Variants in DEUP1 observed in about 807,000 individuals in gnomAD.
The protein encoded by DEUP1 is deuterosome assembly protein 1.
Under a neutral mutation model 87.4 loss-of-function variants are expected in DEUP1, and 82 were observed. The ratio of observed to expected loss-of-function variants is 0.94; its 90% confidence interval spans 0.78 to 1.13. DEUP1 has a LOEUF of 1.13. DEUP1 is among the 50% of genes most tolerant of loss of function. The probability of loss-of-function intolerance (pLI) is 0.00; values close to 1 mark genes in which losing one functional copy is unlikely to be tolerated. For synonymous variants in DEUP1, 214 were observed against 222.7 expected (o/e 0.96, Z 0.35); for missense variants, 663 against 681.5 (o/e 0.97, Z 0.30).
At chr11:93,415,961 T>C (rs1947607369) in intron 13 of DEUP1, among the ~76,000 whole-genome samples, 1 of 152,134 alleles carries the variant, frequency 6.6e-6, no homozygotes, top group South Asian at 2.1e-4. Context: ...AAAAATTCTT[T>C]TATGAGTCTT....
At chr11:93,405,597 C>T (rs113667319) in intron 11 of DEUP1, among the ~76,000 whole-genome samples, 16 of 151,862 alleles carry the variant, frequency 1.1e-4, no homozygotes, top group African/African-American at 3.6e-4. Context: ...AGGTAGTAAG[C>T]GGAAAATGTA....
At chr11:93,415,969 C>A (rs551602455) in intron 13 of DEUP1, among the ~76,000 whole-genome samples, 1 of 152,158 alleles carries the variant, frequency 6.6e-6, no homozygotes, top group African/African-American at 2.4e-5. Flanking sequence ...TTTTATGAGT[C>A]TTTTGGTGCA....
rs577735179 is a variant in DEUP1 at position 93,413,417 on chromosome 11, T to C, written c.1524-1583T>C. Among the ~76,000 whole-genome samples, 11 of 152,254 alleles carry C rather than the reference T, an allele frequency of 7.2e-5. No homozygotes were observed. The South Asian group carries it at 2.1e-3, about 29-fold the overall frequency. ...CCATCACGCCAGGCTAATTTTTTTG[T>C]ATTTTTAGTAGCGACGGGGTTTCAC... On this transcript the variant is annotated intron_variant, in intron 12 of 13. Transcript: ENST00000298050.
At chr11:93,395,767 T>G (rs1233729106) in intron 10 of DEUP1, among the ~76,000 whole-genome samples, 1 of 152,118 alleles carries the variant, frequency 6.6e-6, no homozygotes, top group Non-Finnish European at 1.5e-5. Flanking sequence ...ATAAAATAAA[T>G]TGAGAGACAA....
intron 13 of DEUP1, 78 bp from the exon 14 acceptor site, chr11:93,437,465 G>T: frequency 4.6e-6 from 5 of 1,083,086 alleles, no homozygotes; most frequent in Non-Finnish European, 5.3e-6. Context: ...GTATGTCAGG[G>T]ATGAAGCATG....
intron 2 of DEUP1, among the ~76,000 whole-genome samples, chr11:93,353,385 G>T (rs1417880530): frequency 6.6e-6 from 1 of 152,140 alleles, no homozygotes; most frequent in Non-Finnish European, 1.5e-5. Flanking sequence ...GCTTTCACAG[G>T]CTGGCATTGA....
chr11:93,360,254 A>G (rs1945102914), intron 4 of DEUP1, among the ~76,000 whole-genome samples: 1 of 152,218 alleles, frequency 6.6e-6, no homozygotes, highest in Admixed American at 6.5e-5. Flanking sequence ...CCAAGTGAAG[A>G]CTTGGACATC....
chr11:93,341,847 G>A (rs1555038400), intron 2 of DEUP1, among the ~76,000 whole-genome samples: 1 of 152,136 alleles, frequency 6.6e-6, no homozygotes, highest in Non-Finnish European at 1.5e-5. Context: ...GTATCAATGG[G>A]CCAAAGTCAA....
chr11:93,405,772 T>C (rs1312548463), intron 11 of DEUP1, among the ~76,000 whole-genome samples: 1 of 151,930 alleles, frequency 6.6e-6, no homozygotes. Flanking sequence ...CTTAGGATGA[T>C]TTTATGGGAT....
At chr11:93,335,146 G>T (rs1278910907) in intron 2 of DEUP1, among the ~76,000 whole-genome samples, 1 of 152,124 alleles carries the variant, frequency 6.6e-6, no homozygotes, top group Non-Finnish European at 1.5e-5. Context: ...TTTCAAATTT[G>T]ATATCTTCTT....
chr11:93,346,615 T>C (rs895957891), intron 2 of DEUP1, among the ~76,000 whole-genome samples: 2 of 152,178 alleles, frequency 1.3e-5, no homozygotes, highest in African/African-American at 4.8e-5. Flanking sequence ...TAACATTGAA[T>C]CTATAAATTG....
At chr11:93,416,899 C>T (rs1164853767) in intron 13 of DEUP1, among the ~76,000 whole-genome samples, 1 of 152,154 alleles carries the variant, frequency 6.6e-6, no homozygotes, top group Non-Finnish European at 1.5e-5. Context: ...AAATGTAATC[C>T]AGCATACAAA....
chr11:93,360,574 A>G (rs1485240920), intron 4 of DEUP1, among the ~76,000 whole-genome samples: 1 of 152,220 alleles, frequency 6.6e-6, no homozygotes, highest in Non-Finnish European at 1.5e-5. Context: ...ATGAAAAATT[A>G]TAAAGCTTTA....
At chr11:93,357,269 G>A in intron 4 of DEUP1, 1 of 319,744 alleles carries the variant, frequency 3.1e-6, no homozygotes, top group Non-Finnish European at 5.6e-6. Context: ...TAGACAAATG[G>A]CTTTCTATTT....
In DEUP1 at chr11:93,372,842, T is replaced by A. The variant is rs966101204; in HGVS notation, c.789+1562T>A. Among the ~76,000 whole-genome samples, 4 of 152,286 alleles carry A rather than the reference T, an allele frequency of 2.6e-5. No individual in the cohort carries two copies. In the East Asian group the frequency reaches 7.7e-4, roughly 29 times the overall value. On this transcript the variant is annotated intron_variant, in intron 7 of 13. Coordinates refer to ENST00000298050, the MANE Select transcript of DEUP1 (RefSeq NM_181645.4). ...GGTATTGATGGTGTTTTCTCTGGCT[T>A]CATTCTAATATAAATGAGGTTAGCA...
At chr11:93,430,413 TGCCAAAAAAG>T (rs1948068657) in intron 13 of DEUP1, among the ~76,000 whole-genome samples, 1 of 152,118 alleles carries the variant, frequency 6.6e-6, no homozygotes, top group Non-Finnish European at 1.5e-5. Context: ...AAAGCAGCTA[TGCCAAAAAAG>T]GCCAAAAATT....
chr11:93,383,926 A>C (rs1264934916), intron 7 of DEUP1, among the ~76,000 whole-genome samples: 1 of 152,222 alleles, frequency 6.6e-6, no homozygotes, highest in African/African-American at 2.4e-5. Context: ...GAGTTGTGTA[A>C]CTTTGGATCA....
Position 93,394,594 on chromosome 11 carries a change from C to T in DEUP1, c.1177C>T (p.Leu393Phe), listed in dbSNP as rs1946876633. 1 of 1,612,570 alleles carries T rather than the reference C, an allele frequency of 6.2e-7. No homozygotes were observed. The highest frequency in any genetic ancestry group is 1.3e-5 in the African/African-American group (1 of 74,780). Residue 393 changes from leucine (L) to phenylalanine (F), a missense_variant, in exon 10 of 14, where the codon CTT (leucine) becomes TTT (phenylalanine). Leu to Phe is a conservative substitution (Grantham distance 22). Transcript: ENST00000298050. Reference protein sequence around the residue: ...TIATVTKKAALLEKQLKMELE... With the variant: ...TIATVTKKAAFLEKQLKMELE... ...AGCAACTGTCACAAAGAAAGCTGCC[C>T]TTCTGGAAAAACAGTTAAAAATGGA...
chr11:93,415,211 T>C, intron 13 of DEUP1, 97 bp downstream of exon 13: 1 of 700,516 alleles, frequency 1.4e-6, no homozygotes, highest in Non-Finnish European at 2.4e-6. Flanking sequence ...AGTTCGTTTG[T>C]TTTTAATCTC....
Sources: gnomAD v4.1 joint callset for allele counts (sites outside exome capture counted in the v4.1 genomes callset) on GRCh38, gnomAD v4.1.1 for gene constraint, MANE v1.5 for transcripts, NCBI Gene and HGNC (gene_info 2026-07-23, HGNC 2026-07-21) for gene names.